Variants in ZFHX3 observed in about 807,000 individuals in gnomAD.
The protein encoded by ZFHX3 is zinc finger homeobox protein 3.
In ZFHX3, 42 loss-of-function variants were observed where a neutral mutation model predicts 279.1. The ratio of observed to expected loss-of-function variants is 0.15; its 90% CI spans 0.12 to 0.19. The LOEUF (loss-of-function observed/expected upper bound fraction) is 0.19. ZFHX3 is among the 10% of genes least tolerant of loss of function. The pLI is 1.00. For missense variants in ZFHX3, 4,981 were observed against 4,754.0 expected, an observed-to-expected ratio of 1.05 and a Z score of -1.40; for synonymous variants, 2,293 against 1,957.8, an observed-to-expected ratio of 1.17 and a Z score of -4.52.
At chr16:73,773,483 G>A (rs146785327) in intron 1 of ZFHX3, among the ~76,000 whole-genome samples, 32 of 152,324 alleles carry the variant, frequency 2.1e-4, no homozygotes, top group South Asian at 6.2e-4. Flanking sequence ...TCCTGTCTCT[G>A]GGGATAAGCA....
intron 1 of ZFHX3, among the ~76,000 whole-genome samples, chr16:73,823,585 T>A (rs1960813297): frequency 6.6e-6 from 1 of 152,212 alleles, no homozygotes; most frequent in Non-Finnish European, 1.5e-5. Flanking sequence ...TGCCTGTTTT[T>A]GTAAATAAAG....
chr16:73,711,012 C>A (rs376945602), intron 1 of ZFHX3, among the ~76,000 whole-genome samples: 1 of 152,202 alleles, frequency 6.6e-6, no homozygotes, highest in East Asian at 1.9e-4. Flanking sequence ...TACGGAAAGA[C>A]GTGCTGTAAT....
At chr16:73,501,104 T>C (rs566826203) in intron 2 of ZFHX3, among the ~76,000 whole-genome samples, 91 of 152,366 alleles carry the variant, frequency 6.0e-4, no homozygotes, top group African/African-American at 2.2e-3. Flanking sequence ...TATGCTTAGA[T>C]ACACAAATGT....
chr16:73,632,059 G>T (rs2052477987), intron 2 of ZFHX3, among the ~76,000 whole-genome samples: 1 of 152,120 alleles, frequency 6.6e-6, no homozygotes, highest in Non-Finnish European at 1.5e-5. Flanking sequence ...ATGAAAAGAG[G>T]AGCTGGGAAG....
chr16:73,425,649 G>A (rs952795604), intron 3 of ZFHX3, among the ~76,000 whole-genome samples: 7 of 152,096 alleles, frequency 4.6e-5, no homozygotes, highest in African/African-American at 1.4e-4. Flanking sequence ...GATGGGTCGA[G>A]CTGATGGACC....
At chr16:73,516,798 A>T (rs1049757782) in intron 2 of ZFHX3, among the ~76,000 whole-genome samples, 1 of 152,232 alleles carries the variant, frequency 6.6e-6, no homozygotes, top group Non-Finnish European at 1.5e-5. Context: ...CAGTAGCTGC[A>T]CAGAGAGTAT....
At chr16:73,840,516 C>T (rs1961275103) in intron 1 of ZFHX3, among the ~76,000 whole-genome samples, 1 of 152,178 alleles carries the variant, frequency 6.6e-6, no homozygotes. Context: ...ATTTTCTCAA[C>T]AACAATGTCC....
At chr16:73,377,523 T>C (rs1466850377) in intron 3 of ZFHX3, among the ~76,000 whole-genome samples, 5 of 152,138 alleles carry the variant, frequency 3.3e-5, no homozygotes, top group Admixed American at 2.6e-4. Context: ...GAAATCAATG[T>C]GTAAAGATGA....
chr16:73,253,422 A>G (rs1416442017), intron 5 of ZFHX3, among the ~76,000 whole-genome samples: 1 of 151,104 alleles, frequency 6.6e-6, no homozygotes, highest in East Asian at 2.0e-4. Context: ...ATGGTGCATC[A>G]GTTGGATTGG....
chr16:73,047,671 A>G (rs1965347333), intron 1 of ZFHX3, 81 bp downstream of exon 1: 1 of 152,878 alleles, frequency 6.5e-6, no homozygotes, highest in South Asian at 2.1e-4. Context: ...CCCCAAGAGA[A>G]TGGGAAGTTC....
intron 2 of ZFHX3, among the ~76,000 whole-genome samples, chr16:73,561,828 A>G (rs1392033607): frequency 1.3e-5 from 2 of 152,110 alleles, no homozygotes; most frequent in Admixed American, 6.5e-5. Flanking sequence ...CCGGGCCCTC[A>G]TAGTGTATTT....
intron 1 of ZFHX3, among the ~76,000 whole-genome samples, chr16:73,788,792 G>A (rs149866654): frequency 0.017 from 2,566 of 151,236 alleles, 46 homozygotes; most frequent in Middle Eastern, 0.052. Context: ...GGCTAACGTG[G>A]TGAAACCCCA....
At chr16:73,512,272 C>CAAA (rs3087038) in intron 2 of ZFHX3, among the ~76,000 whole-genome samples, 9 of 87,842 alleles carry the variant, frequency 1.0e-4, no homozygotes, top group Non-Finnish European at 1.8e-4. Flanking sequence ...CACTAAAATA[C>CAAA]AAAAAAAAAA....
At chr16:73,408,132 G>C (rs1269627356) in intron 3 of ZFHX3, among the ~76,000 whole-genome samples, 2 of 151,696 alleles carry the variant, frequency 1.3e-5, no homozygotes, top group African/African-American at 4.8e-5. Context: ...TGCTTGGGTG[G>C]AGGGATTTGG....
intron 3 of ZFHX3, among the ~76,000 whole-genome samples, chr16:73,417,945 C>A (rs955792065): frequency 1.4e-5 from 2 of 142,730 alleles, no homozygotes; most frequent in African/African-American, 5.2e-5. Context: ...GCTGAGATCG[C>A]GCCACTGCAC....
chr16:73,676,482 T>A (rs1330157582), intron 2 of ZFHX3, among the ~76,000 whole-genome samples: 1 of 151,792 alleles, frequency 6.6e-6, no homozygotes, highest in African/African-American at 2.4e-5. Flanking sequence ...TCCAAAAAAA[T>A]TGAATACCAA....
intron 2 of ZFHX3, among the ~76,000 whole-genome samples, chr16:73,640,219 A>C (rs544303111): frequency 3.3e-4 from 50 of 152,294 alleles, no homozygotes; most frequent in Non-Finnish European, 5.6e-4. Flanking sequence ...AAATTACAGG[A>C]GGTTTCTCTA....
chr16:72,793,355 A>T lies in ZFHX3; in HGVS notation c.9327T>A (p.Leu3109=). 6.2e-7 allele frequency: 1 copy of T among 1,614,192 alleles called. No individual in the cohort carries two copies. The highest frequency in any genetic ancestry group is 8.5e-7 in the Non-Finnish European group (1 of 1,180,024). The part of the protein sequence containing the change: ...GMFDNTPLQA[L]NLPTAYPALQ... The stretch of plus-strand genomic sequence containing the variant: ...GCGCTGGATATGCTGTAGGAAGGTT[A>T]AGGGCCTGAAGAGGGGTGTTGTCAA... The change falls in exon 9 of 10, where the codon CTT becomes CTA. Residue 3109 remains leucine (L), a synonymous_variant. Transcript: ENST00000268489. The surrounding 1 kb of genome is among the most constrained non-coding windows in gnomAD (Gnocchi z 4.3).
chr16:73,049,465 A>G (rs1597135670), upstream of ZFHX3, among the ~76,000 whole-genome samples: 1 of 152,268 alleles, frequency 6.6e-6, no homozygotes, highest in African/African-American at 2.4e-5. Flanking sequence ...GAAAACCATC[A>G]CATCCCCGTA....
Sources: allele counts gnomAD v4.1 joint callset (sites outside exome capture counted in the v4.1 genomes callset), GRCh38; gene constraint gnomAD v4.1.1; non-coding constraint Gnocchi (gnomAD v3.1); transcripts MANE v1.5; gene names NCBI Gene and HGNC (gene_info 2026-07-23, HGNC 2026-07-21).